Variants in CTNNA3 observed in about 807,000 individuals in gnomAD.
The protein encoded by CTNNA3 is catenin alpha-3.
CTNNA3 carries 76 observed loss-of-function variants against 95.7 expected under a neutral mutation model. The observed-to-expected ratio is 0.79, with a 90% CI of 0.66 to 0.96. The LOEUF is 0.96. CTNNA3 is among the 40% of genes least tolerant of loss of function. The probability of loss-of-function intolerance (pLI) is 0.00; values close to 1 mark genes in which losing one functional copy is unlikely to be tolerated. For synonymous variants in CTNNA3, 431 were observed against 374.4 expected, an observed-to-expected ratio of 1.15 and a Z score of -1.74; for missense variants, 1,191 against 1,089.8, an observed-to-expected ratio of 1.09 and a Z score of -1.31.
intron 9 of CTNNA3, among the ~76,000 whole-genome samples, chr10:66,692,971 G>A (rs568032225): frequency 5.9e-5 from 9 of 152,206 alleles, no homozygotes; most frequent in Admixed American, 1.3e-4. Context: ...AGCACTAAAC[G>A]TGGAAAGCAA....
intron 14 of CTNNA3, among the ~76,000 whole-genome samples, chr10:66,072,280 A>C (rs1382779894): frequency 3.3e-5 from 5 of 152,214 alleles, no homozygotes; most frequent in Admixed American, 3.3e-4. Context: ...AGCAGGCAGC[A>C]GGCCAGATTT....
chr10:66,646,031 T>C (rs10997284), intron 9 of CTNNA3, among the ~76,000 whole-genome samples: 21,598 of 152,220 alleles, frequency 0.14, 2,126 homozygotes, highest in East Asian at 0.24. Context: ...TATTTAACTA[T>C]TTTTGCTATT....
intron 2 of CTNNA3, among the ~76,000 whole-genome samples, chr10:67,619,154 T>G (rs755774516): frequency 6.6e-6 from 1 of 152,200 alleles, no homozygotes; most frequent in Non-Finnish European, 1.5e-5. Context: ...CTGACTTTCT[T>G]AAGCTCTCAA....
At chr10:66,346,292 G>A (rs1024764351) in intron 12 of CTNNA3, among the ~76,000 whole-genome samples, 1 of 147,024 alleles carries the variant, frequency 6.8e-6, no homozygotes, top group African/African-American at 2.5e-5. Flanking sequence ...GAGAGAAAGA[G>A]AGACAGAGAC....
intron 13 of CTNNA3, among the ~76,000 whole-genome samples, chr10:66,220,767 A>G (rs2088884397): frequency 6.6e-6 from 1 of 152,116 alleles, no homozygotes; most frequent in Non-Finnish European, 1.5e-5. Flanking sequence ...CCACAGTCCC[A>G]CCATCAAGCC....
chr10:67,467,474 A>T (rs899817638), intron 5 of CTNNA3, among the ~76,000 whole-genome samples: 2 of 126,486 alleles, frequency 1.6e-5, no homozygotes, highest in African/African-American at 5.8e-5. Flanking sequence ...GCTTTTTTTA[A>T]AAAAAAATCC....
At chr10:66,414,556 T>C (rs2093131805) in intron 11 of CTNNA3, among the ~76,000 whole-genome samples, 1 of 152,106 alleles carries the variant, frequency 6.6e-6, no homozygotes, top group Non-Finnish European at 1.5e-5. Flanking sequence ...AAGATTGTAT[T>C]ATGGCAGCTT....
At chr10:66,641,547 G>C in intron 9 of CTNNA3, among the ~76,000 whole-genome samples, 1 of 152,156 alleles carries the variant, frequency 6.6e-6, no homozygotes, top group Non-Finnish European at 1.5e-5. Flanking sequence ...ACAGCTGTGT[G>C]TTATCTTTGT....
intron 9 of CTNNA3, among the ~76,000 whole-genome samples, chr10:66,702,050 C>T (rs1348888542): frequency 1.3e-5 from 2 of 152,034 alleles, no homozygotes; most frequent in Non-Finnish European, 2.9e-5. Flanking sequence ...TGATTTTGAA[C>T]TTATAAGCTA....
At chr10:66,827,848 T>G (rs758508340) in intron 7 of CTNNA3, among the ~76,000 whole-genome samples, 2 of 152,196 alleles carry the variant, frequency 1.3e-5, no homozygotes, top group Non-Finnish European at 2.9e-5. Context: ...TCACAGTAAC[T>G]TGGTAGACAT....
chr10:65,940,344 A>C (rs1467821739), intron 17 of CTNNA3, among the ~76,000 whole-genome samples: 1 of 152,190 alleles, frequency 6.6e-6, no homozygotes, highest in Admixed American at 6.5e-5. Flanking sequence ...TTAGTTTAAA[A>C]CATTGTTAAT....
intron 15 of CTNNA3, among the ~76,000 whole-genome samples, chr10:66,023,730 T>C (rs918471604): frequency 2.0e-5 from 3 of 152,162 alleles, no homozygotes; most frequent in Non-Finnish European, 4.4e-5. Flanking sequence ...TCCTCACCCA[T>C]AAAATGAGAA....
chr10:66,617,405 T>C (rs887964804), intron 10 of CTNNA3, among the ~76,000 whole-genome samples: 1 of 152,030 alleles, frequency 6.6e-6, no homozygotes, highest in Non-Finnish European at 1.5e-5. Context: ...GCTGGTTCAA[T>C]ATACGCAAAT....
At chr10:66,562,448 G>A (rs193262765) in intron 10 of CTNNA3, among the ~76,000 whole-genome samples, 6 of 152,158 alleles carry the variant, frequency 3.9e-5, no homozygotes, top group African/African-American at 1.2e-4. Flanking sequence ...CCAGCAGCAC[G>A]TTTATCTCCT....
chr10:66,788,104 ACT>A (rs1379154469), intron 7 of CTNNA3, among the ~76,000 whole-genome samples: 1 of 152,068 alleles, frequency 6.6e-6, no homozygotes, highest in Non-Finnish European at 1.5e-5. Flanking sequence ...ACTGAACAAA[ACT>A]CAGTAAATTT....
At position 66,686,752 on chromosome 10, in the gene CTNNA3, T is replaced by A. The variant is rs145135808; in HGVS notation, c.1282-64968A>T. Among the ~76,000 whole-genome samples the A allele has an allele frequency of 7.3e-3, 1,118 of 152,228 alleles. 11 individuals are homozygous for A. Among genetic ancestry groups the A allele is most frequent in the South Asian group, 0.024 (114 of 4,826 alleles). ...AAATATTTTGAGTATTAAACCAATATAGTAAAAAGCAGAGCTGAGAGAGAG... is the reference window on the plus strand; with the variant it reads ...AAATATTTTGAGTATTAAACCAATAAAGTAAAAAGCAGAGCTGAGAGAGAG... On this transcript the variant is annotated intron_variant, in intron 9 of 17. Transcript: ENST00000433211.
intron 12 of CTNNA3, among the ~76,000 whole-genome samples, chr10:66,289,914 C>A (rs1458834078): frequency 6.6e-6 from 1 of 151,980 alleles, no homozygotes; most frequent in African/African-American, 2.4e-5. Context: ...TGGTTTAGTT[C>A]TTCTCCTCTA....
intron 13 of CTNNA3, among the ~76,000 whole-genome samples, chr10:66,201,460 T>C (rs1341329898): frequency 6.6e-6 from 1 of 152,184 alleles, no homozygotes; most frequent in African/African-American, 2.4e-5. Flanking sequence ...CTTTATTCAC[T>C]TTTGTATTGC....
chr10:67,441,264 CA>C (rs760690984), intron 5 of CTNNA3, among the ~76,000 whole-genome samples: 2,234 of 97,496 alleles, frequency 0.023, 46 homozygotes, highest in African/African-American at 0.063. Flanking sequence ...TGAGAGAAGA[CA>C]AAAAAAAAAA....
Sources: gnomAD v4.1 joint callset for allele counts (sites outside exome capture counted in the v4.1 genomes callset) on GRCh38, gnomAD v4.1.1 for gene constraint, MANE v1.5 for transcripts, NCBI Gene and HGNC (gene_info 2026-07-23, HGNC 2026-07-21) for gene names.